DCBLD2: variants seen among roughly 807,000 people sequenced by gnomAD.
DCBLD2 encodes the protein discoidin, CUB and LCCL domain-containing protein 2.
DCBLD2 carries 54 observed loss-of-function variants against 86.8 expected under a neutral mutation model. The observed-to-expected ratio is 0.62, with a 90% CI of 0.50 to 0.78. DCBLD2 has a LOEUF of 0.78. DCBLD2 is among the 30% of genes least tolerant of loss of function. The pLI is 0.00. For synonymous variants in DCBLD2, 354 were observed against 341.3 expected (o/e 1.04, Z -0.41); for missense variants, 908 against 954.2 (o/e 0.95, Z 0.64).
rs1485784573 is a variant in DCBLD2 at position 98,859,846 on chromosome 3, C to T, written c.434-10248G>A. On this transcript the variant is annotated intron_variant, in intron 2 of 15. Coordinates refer to ENST00000326840, the MANE Select transcript of DCBLD2 (RefSeq NM_080927.4). ...CCCCCCACAAAGGAACGCAGCTCCT[C>T]GCCAGCAACGGAACAAAGCTGGACG... Among the ~76,000 whole-genome samples the T allele has an allele frequency of 5.9e-5, 9 of 152,224 alleles. No individual in the cohort carries two copies. The South Asian group carries it at 6.2e-4, about 10-fold the overall frequency.
chr3:98,881,477 C>A (rs975910356), intron 2 of DCBLD2, 63 bp downstream of exon 2: 6 of 1,440,784 alleles, frequency 4.2e-6, no homozygotes, highest in South Asian at 3.5e-5. Flanking sequence ...ATGTTAATAT[C>A]AAAAAAATAC....
At chr3:98,896,624 G>A (rs1309413483) in intron 1 of DCBLD2, among the ~76,000 whole-genome samples, 9 of 152,146 alleles carry the variant, frequency 5.9e-5, no homozygotes, top group African/African-American at 1.7e-4. Context: ...ATTATAAGTC[G>A]ATGGATTAGA....
intron 3 of DCBLD2, among the ~76,000 whole-genome samples, chr3:98,847,850 C>A (rs1942756219): frequency 6.6e-6 from 1 of 151,730 alleles, no homozygotes; most frequent in Non-Finnish European, 1.5e-5. Context: ...CATCATGGTA[C>A]CCCTATATAG....
At chr3:98,839,894 G>A (rs1942589486) in intron 3 of DCBLD2, among the ~76,000 whole-genome samples, 1 of 152,198 alleles carries the variant, frequency 6.6e-6, no homozygotes, top group Non-Finnish European at 1.5e-5. Context: ...CTGTGAAGAT[G>A]ACATTTAAGT....
chr3:98,835,938 C>CTTTCTTTTTTTT (rs56279917), intron 3 of DCBLD2, among the ~76,000 whole-genome samples: 16 of 115,016 alleles, frequency 1.4e-4, no homozygotes, highest in Middle Eastern at 5.1e-3. Flanking sequence ...TCCTTTCTTT[C>CTTTCTTTTTTTT]TTTTTTTTTT....
chr3:98,852,978 T>C (rs1004427734), intron 2 of DCBLD2, among the ~76,000 whole-genome samples: 9 of 152,192 alleles, frequency 5.9e-5, no homozygotes, highest in Non-Finnish European at 1.0e-4. Context: ...AATTCAGTCA[T>C]GCCATGCAAT....
intron 2 of DCBLD2, among the ~76,000 whole-genome samples, chr3:98,854,015 G>A (rs1425064392): frequency 6.6e-6 from 1 of 151,720 alleles, no homozygotes; most frequent in Non-Finnish European, 1.5e-5. Context: ...CTAGTATAGA[G>A]CATCTCTAGT....
At chr3:98,861,781 C>T in intron 2 of DCBLD2, among the ~76,000 whole-genome samples, 1 of 151,966 alleles carries the variant, frequency 6.6e-6, no homozygotes, top group Non-Finnish European at 1.5e-5. Context: ...CAGGAAAGAT[C>T]TAAAATGGAC....
chr3:98,840,506 T>C (rs1942600156), intron 3 of DCBLD2, among the ~76,000 whole-genome samples: 1 of 152,160 alleles, frequency 6.6e-6, no homozygotes, highest in Non-Finnish European at 1.5e-5. Context: ...GGGCAGTATA[T>C]AATTTACATT....
At chr3:98,858,239 C>T (rs891273843) in intron 2 of DCBLD2, among the ~76,000 whole-genome samples, 1 of 152,258 alleles carries the variant, frequency 6.6e-6, no homozygotes, top group Non-Finnish European at 1.5e-5. Context: ...GCCGAGCCCA[C>T]ACACACCCAG....
chr3:98,856,135 C>T (rs1199955784), intron 2 of DCBLD2, among the ~76,000 whole-genome samples: 2 of 152,162 alleles, frequency 1.3e-5, no homozygotes, highest in East Asian at 3.8e-4. Flanking sequence ...CTCTTCACTA[C>T]TTAGGAGATG....
At chr3:98,843,489 T>C (rs1559783280) in intron 3 of DCBLD2, among the ~76,000 whole-genome samples, 1 of 152,108 alleles carries the variant, frequency 6.6e-6, no homozygotes, top group Non-Finnish European at 1.5e-5. Context: ...GCCGAAAACA[T>C]TCCATGCAGG....
chr3:98,846,738 G>C (rs1447390321), intron 3 of DCBLD2, among the ~76,000 whole-genome samples: 1 of 152,120 alleles, frequency 6.6e-6, no homozygotes, highest in Non-Finnish European at 1.5e-5. Context: ...TTTGAAATTT[G>C]GTACAGGTTT....
intron 2 of DCBLD2, 21 bp from the exon 3 acceptor site, chr3:98,849,619 G>A: frequency 6.3e-7 from 1 of 1,599,162 alleles, no homozygotes; most frequent in Non-Finnish European, 8.6e-7. Context: ...AAGAAAAGCA[G>A]ATTATTTGGG....
At position 98,799,526 on chromosome 3, in the gene DCBLD2, C is replaced by A. The variant is rs1941675938; in HGVS notation, c.2174G>T (p.Cys725Phe). The A allele has an allele frequency of 6.2e-7, 1 of 1,613,992 alleles. No individual in the cohort carries two copies. The highest frequency in any genetic ancestry group is 1.3e-5 in the African/African-American group (1 of 75,040). Residue 725 changes from cysteine (C) to phenylalanine (F), a missense_variant, in exon 16 of 16, where the codon TGC (cysteine) becomes TTC (phenylalanine). Coordinates refer to ENST00000326840, the MANE Select transcript of DCBLD2 (RefSeq NM_080927.4). ...YNTLLSRTDSCSSAQAQYDTP... is the reference protein window; with the variant it reads ...YNTLLSRTDSFSSAQAQYDTP... Reference sequence around the variant, plus strand: ...ATCATACTGGGCCTGGGCTGAGGAGCAGCTGTCAGTCCTGGAGAGAAGTGT... The same window carrying A: ...ATCATACTGGGCCTGGGCTGAGGAGAAGCTGTCAGTCCTGGAGAGAAGTGT...
At chr3:98,825,643 T>TTTTATA (rs1317079960) in intron 3 of DCBLD2, among the ~76,000 whole-genome samples, 3 of 115,100 alleles carry the variant, frequency 2.6e-5, no homozygotes, top group Non-Finnish European at 5.4e-5. Flanking sequence ...ATATGTGTAT[T>TTTTATA]TATATATATA....
intron 1 of DCBLD2, among the ~76,000 whole-genome samples, chr3:98,890,955 CAT>C (rs1270748076): frequency 2.0e-5 from 3 of 152,088 alleles, no homozygotes; most frequent in Admixed American, 6.6e-5. Flanking sequence ...TGAAACTCCA[CAT>C]GTCCTACGCA....
At chr3:98,837,990 C>T (rs377302479) in intron 3 of DCBLD2, among the ~76,000 whole-genome samples, 1,186 of 36,192 alleles carry the variant, frequency 0.033, no homozygotes, top group East Asian at 0.13. Context: ...CCAGTAGGGG[C>T]GGCCGGGCAG....
chr3:98,865,761 C>T (rs779089693), intron 2 of DCBLD2, among the ~76,000 whole-genome samples: 9 of 151,976 alleles, frequency 5.9e-5, no homozygotes, highest in African/African-American at 1.7e-4. Flanking sequence ...ATGTGCACAA[C>T]GTGCAGGTGA....
Sources: gnomAD v4.1 joint callset for allele counts (sites outside exome capture counted in the v4.1 genomes callset) on GRCh38, gnomAD v4.1.1 for gene constraint, MANE v1.5 for transcripts, NCBI Gene and HGNC (gene_info 2026-07-23, HGNC 2026-07-21) for gene names.